Variants in PRKG1 observed in about 807,000 individuals in gnomAD.
The protein encoded by PRKG1 is cGMP-dependent protein kinase 1.
A neutral mutation model predicts 88.1 loss-of-function variants in PRKG1; 35 were observed. That is an observed-to-expected ratio of 0.40 (90% CI 0.30 to 0.53). The LOEUF is 0.53. Ranked by LOEUF, PRKG1 falls within the 20% of genes least tolerant of loss-of-function variation. The probability of loss-of-function intolerance (pLI) is 0.59; values close to 1 mark genes in which losing one functional copy is unlikely to be tolerated. For synonymous variants in PRKG1, 303 were observed against 292.5 expected (o/e 1.04, Z -0.37); for missense variants, 540 against 839.8 (o/e 0.64, Z 4.41).
intron 5 of PRKG1, among the ~76,000 whole-genome samples, chr10:52,047,471 A>T (rs1255508620): frequency 1.3e-5 from 2 of 152,198 alleles, no homozygotes; most frequent in Non-Finnish European, 2.9e-5. Flanking sequence ...TGGCTCCAGA[A>T]TAGATTTTAC....
intron 1 of PRKG1, among the ~76,000 whole-genome samples, chr10:51,137,839 T>C (rs78983001): frequency 0.033 from 5,045 of 152,082 alleles, 263 homozygotes; most frequent in African/African-American, 0.11. Flanking sequence ...GTCACACCAG[T>C]TTGAGTAAGT....
chr10:51,099,642 T>C (rs1331524670), intron 1 of PRKG1, among the ~76,000 whole-genome samples: 1 of 152,104 alleles, frequency 6.6e-6, no homozygotes, highest in Non-Finnish European at 1.5e-5. Context: ...AACCCAGGAC[T>C]CTGTGGAATA....
chr10:51,857,258 T>C (rs1346482657), intron 4 of PRKG1, among the ~76,000 whole-genome samples: 1 of 152,244 alleles, frequency 6.6e-6, no homozygotes, highest in East Asian at 1.9e-4. Context: ...TTTCTTCTAA[T>C]GGATCGCCTT....
At chr10:52,130,448 A>T (rs995666952) in intron 7 of PRKG1, among the ~76,000 whole-genome samples, 3 of 152,228 alleles carry the variant, frequency 2.0e-5, no homozygotes, top group Non-Finnish European at 2.9e-5. Flanking sequence ...ATACATTTTT[A>T]AAAATCTATA....
intron 2 of PRKG1, among the ~76,000 whole-genome samples, chr10:51,225,394 C>T (rs530231098): frequency 6.6e-5 from 10 of 152,196 alleles, no homozygotes; most frequent in South Asian, 2.1e-4. Context: ...TTTGAGGAGA[C>T]GTAGGTATTC....
intron 5 of PRKG1, among the ~76,000 whole-genome samples, chr10:51,994,319 T>C (rs1332869603): frequency 2.0e-5 from 3 of 152,164 alleles, no homozygotes; most frequent in Admixed American, 6.6e-5. Context: ...AAAACTACAT[T>C]GATCAAGGTC....
intron 4 of PRKG1, among the ~76,000 whole-genome samples, chr10:51,893,976 G>T (rs1011674348): frequency 2.6e-5 from 4 of 152,158 alleles, no homozygotes; most frequent in African/African-American, 9.7e-5. Context: ...ACAAGTGTAA[G>T]TGCTATTCAG....
intron 4 of PRKG1, among the ~76,000 whole-genome samples, chr10:51,878,071 T>G (rs1029681280): frequency 1.3e-5 from 2 of 152,182 alleles, no homozygotes; most frequent in African/African-American, 4.8e-5. Flanking sequence ...GTTAACATAA[T>G]TCAATTTTTA....
chr10:51,604,969 G>A (rs1316528733), intron 3 of PRKG1, among the ~76,000 whole-genome samples: 1 of 152,188 alleles, frequency 6.6e-6, no homozygotes, highest in African/African-American at 2.4e-5. Context: ...GACCACATAT[G>A]GGCTGGAAGG....
intron 2 of PRKG1, among the ~76,000 whole-genome samples, chr10:51,265,208 GTTAA>G (rs946470028): frequency 6.6e-5 from 10 of 152,120 alleles, no homozygotes; most frequent in African/African-American, 2.2e-4. Flanking sequence ...GGGTATATAA[GTTAA>G]TTAATTTTTA....
At chr10:51,529,680 C>T (rs936014762) in intron 3 of PRKG1, among the ~76,000 whole-genome samples, 4 of 140,484 alleles carry the variant, frequency 2.8e-5, no homozygotes, top group Non-Finnish European at 6.2e-5. Context: ...AATACAGACA[C>T]ACACACACAC....
At chr10:52,193,517 C>T (rs1325936573) in intron 9 of PRKG1, among the ~76,000 whole-genome samples, 1 of 131,478 alleles carries the variant, frequency 7.6e-6, no homozygotes, top group Non-Finnish European at 1.5e-5. Context: ...TAGTGCACTC[C>T]AGCCTGAACA....
chr10:51,802,286 C>T (rs182118604), intron 3 of PRKG1, among the ~76,000 whole-genome samples: 22 of 152,200 alleles, frequency 1.4e-4, no homozygotes, highest in Admixed American at 7.8e-4. Context: ...TGGTATCATG[C>T]CCAAGGTCAT....
intron 3 of PRKG1, among the ~76,000 whole-genome samples, chr10:51,566,617 G>A (rs1349290872): frequency 1.3e-5 from 2 of 151,838 alleles, no homozygotes; most frequent in Admixed American, 6.6e-5. Context: ...AGGTTTCTCC[G>A]AGAAGTTGTC....
At chr10:51,673,217 C>A (rs1421860633) in intron 3 of PRKG1, among the ~76,000 whole-genome samples, 1 of 151,716 alleles carries the variant, frequency 6.6e-6, no homozygotes, top group Non-Finnish European at 1.5e-5. Flanking sequence ...TGTGGTAATG[C>A]CAACAAATAA....
chr10:51,372,959 T>C (rs565800032), intron 2 of PRKG1, among the ~76,000 whole-genome samples: 1 of 152,190 alleles, frequency 6.6e-6, no homozygotes, highest in Non-Finnish European at 1.5e-5. Flanking sequence ...TTTTAACTTA[T>C]GTTCGTGACA....
At chr10:52,281,695 C>T (rs75714485) in intron 13 of PRKG1, among the ~76,000 whole-genome samples, 1,647 of 152,180 alleles carry the variant, frequency 0.011, 31 homozygotes, top group African/African-American at 0.038. Flanking sequence ...ATCTTACTCA[C>T]TTCCTGCAAA....
rs115664334 is a variant in PRKG1, at chr10:51,362,906, G to C, written c.479-104817G>C. 5.1e-3 allele frequency among the ~76,000 whole-genome samples: 781 copies of C among 151,862 alleles called. 5 individuals carry two copies. The highest frequency in any genetic ancestry group is 0.018 in the African/African-American group (733 of 41,462). The stretch of plus-strand genomic sequence containing the variant: ...TGGTTTTCTGTTCCTGTGTTAGTTT[G>C]CTGAGCCTTCTTTTAAGGCCAAGCT... On this transcript the variant is annotated intron_variant, in intron 2 of 17. Coordinates refer to ENST00000373980, the MANE Select transcript of PRKG1 (RefSeq NM_006258.4).
chr10:51,926,361 C>CTGTAGATTATT (rs550854378), intron 5 of PRKG1, among the ~76,000 whole-genome samples: 112 of 152,262 alleles, frequency 7.4e-4, no homozygotes, highest in African/African-American at 2.4e-3. Flanking sequence ...ATAATAGCCT[C>CTGTAGATTATT]TGTAGATATT....
Sources: gnomAD v4.1 joint callset for allele counts (sites outside exome capture counted in the v4.1 genomes callset) on GRCh38, gnomAD v4.1.1 for gene constraint, MANE v1.5 for transcripts, NCBI Gene and HGNC (gene_info 2026-07-23, HGNC 2026-07-21) for gene names.